Variants in PPIL4 observed in about 807,000 individuals in gnomAD.
PPIL4 encodes peptidyl-prolyl cis-trans isomerase-like 4.
PPIL4 carries 50 observed loss-of-function variants against 69.1 expected under a neutral mutation model. The observed-to-expected ratio is 0.72, with a 90% CI of 0.58 to 0.92. The LOEUF (loss-of-function observed/expected upper bound fraction) is 0.92, where lower values mean the gene tolerates loss of function less well. Among genes scored for constraint, PPIL4 ranks in the 40% least tolerant of loss-of-function variants. The pLI is 0.00. For synonymous variants in PPIL4, 193 were observed against 191.6 expected, an observed-to-expected ratio of 1.01 and a Z score of -0.06; for missense variants, 480 against 587.9, an observed-to-expected ratio of 0.82 and a Z score of 1.90.
At chr6:149,520,048 T>C (rs1777006370) in intron 10 of PPIL4, among the ~76,000 whole-genome samples, 1 of 152,198 alleles carries the variant, frequency 6.6e-6, no homozygotes, top group African/African-American at 2.4e-5. Context: ...AACATACTGC[T>C]ATGGACATGG....
chr6:149,521,833 T>TA lies in PPIL4; in HGVS notation c.871-663dup, dbSNP rs1777035463. 2.6e-5 allele frequency among the ~76,000 whole-genome samples: 4 copies of TA among 152,336 alleles called. No individual in the cohort carries two copies. In the South Asian group the frequency reaches 8.3e-4, roughly 32 times the overall value. Reference sequence around the variant, plus strand: ...TAGATAATGAACTGTGAGACTGTAATACCAAGCTCTGTGCTACACAAGAAT... The same window carrying TA: ...TAGATAATGAACTGTGAGACTGTAATAACCAAGCTCTGTGCTACACAAGAAT... On this transcript the variant is annotated intron_variant, in intron 9 of 12. Transcript: ENST00000253329.
intron 12 of PPIL4, among the ~76,000 whole-genome samples, chr6:149,509,496 T>C (rs925603807): frequency 6.6e-6 from 1 of 151,964 alleles, no homozygotes; most frequent in Non-Finnish European, 1.5e-5. Context: ...GAATTCAGAG[T>C]TTTTAGTGGA....
intron 1 of PPIL4, among the ~76,000 whole-genome samples, chr6:149,545,078 G>C (rs1364548816): frequency 6.6e-6 from 1 of 152,072 alleles, no homozygotes; most frequent in African/African-American, 2.4e-5. Context: ...GACTATTCAC[G>C]ACTGACCTAG....
intron 5 of PPIL4, among the ~76,000 whole-genome samples, chr6:149,535,123 G>T (rs1777255201): frequency 6.6e-6 from 1 of 152,206 alleles, no homozygotes; most frequent in Non-Finnish European, 1.5e-5. Context: ...TCAGGAGGCT[G>T]AGGTGGGTGG....
At chr6:149,539,096 C>G (rs1001460339) in intron 4 of PPIL4, among the ~76,000 whole-genome samples, 3 of 152,196 alleles carry the variant, frequency 2.0e-5, no homozygotes, top group African/African-American at 7.2e-5. Flanking sequence ...ATCCGCCCCC[C>G]TCAGCCTCCC....
intron 8 of PPIL4, among the ~76,000 whole-genome samples, chr6:149,526,450 C>G (rs1562259798): frequency 6.6e-6 from 1 of 151,450 alleles, no homozygotes; most frequent in Admixed American, 6.6e-5. Flanking sequence ...AATTATTTAT[C>G]TGTGTGTGTG....
chr6:149,511,120 T>A (rs1776834874), intron 12 of PPIL4, among the ~76,000 whole-genome samples: 1 of 151,982 alleles, frequency 6.6e-6, no homozygotes, highest in African/African-American at 2.4e-5. Context: ...ATTCTCACCA[T>A]CTTAAATTCC....
intron 7 of PPIL4, among the ~76,000 whole-genome samples, chr6:149,527,887 CAG>C (rs373296907): frequency 1.6e-4 from 24 of 152,050 alleles, no homozygotes; most frequent in African/African-American, 5.8e-4. Context: ...AAATAAAAAA[CAG>C]TAAGAAGCAA....
At position 149,520,432 on chromosome 6, in the gene PPIL4, C is replaced by CA. The variant is rs556499665; in HGVS notation, c.982+627dup. Among the ~76,000 whole-genome samples, 32 of 152,138 alleles carry CA rather than the reference C, an allele frequency of 2.1e-4. No homozygotes were observed. In the East Asian group the frequency reaches 6.2e-3, roughly 29 times the overall value. ...ATTTAAGTTGTGCACCTAAAAGACT[C>CA]AAAACACCATAAAGTCAAAATAATT... is the stretch of plus-strand genomic sequence containing the variant. On this transcript the variant is annotated intron_variant, in intron 10 of 12. Coordinates refer to ENST00000253329, the MANE Select transcript of PPIL4 (RefSeq NM_139126.4).
At chr6:149,522,440 G>A (rs1468364488) in intron 9 of PPIL4, among the ~76,000 whole-genome samples, 1 of 152,128 alleles carries the variant, frequency 6.6e-6, no homozygotes, top group Non-Finnish European at 1.5e-5. Context: ...TGTAACAGTG[G>A]TATATGAATA....
intron 6 of PPIL4, 120 bp from the exon 7 acceptor site, chr6:149,533,694 G>A: frequency 3.4e-6 from 2 of 589,386 alleles, no homozygotes; most frequent in East Asian, 2.9e-5. Context: ...GATCAAGGTT[G>A]CAGTGAGCTA....
intron 11 of PPIL4, among the ~76,000 whole-genome samples, chr6:149,513,608 G>A (rs991199506): frequency 1.9e-4 from 29 of 150,838 alleles, no homozygotes; most frequent in African/African-American, 6.6e-4. Context: ...CTAGAAAGGT[G>A]TTTATGAAAA....
chr6:149,511,001 G>A (rs780116396), intron 12 of PPIL4, among the ~76,000 whole-genome samples: 5 of 152,054 alleles, frequency 3.3e-5, no homozygotes, highest in Non-Finnish European at 7.4e-5. Flanking sequence ...TAAACAACTT[G>A]TCAAGGTCAC....
chr6:149,515,417 T>C (rs555818582), intron 11 of PPIL4, among the ~76,000 whole-genome samples: 2 of 152,320 alleles, frequency 1.3e-5, no homozygotes, highest in South Asian at 4.1e-4. Flanking sequence ...TCTCCCATAT[T>C]AGTGTCACAG....
At chr6:149,534,564 T>C (rs1259539489) in intron 6 of PPIL4, 114 bp downstream of exon 6, 7 of 574,358 alleles carry the variant, frequency 1.2e-5, no homozygotes, top group African/African-American at 1.2e-4. Flanking sequence ...ACTTGTTGAA[T>C]ATAATTAAGC....
chr6:149,535,557 A>C, intron 5 of PPIL4, 39 bp downstream of exon 5: 1 of 1,556,524 alleles, frequency 6.4e-7, no homozygotes, highest in African/African-American at 1.4e-5. Context: ...TCAATATTAA[A>C]ACATTCTAGT....
In PPIL4 at chr6:149,525,198, A is replaced by G; in HGVS notation, c.815T>C (p.Ile272Thr). The G allele has an allele frequency of 6.5e-7, 1 of 1,548,444 alleles. No individual in the cohort carries two copies. Among genetic ancestry groups the G allele is most frequent in the Non-Finnish European group, 8.8e-7 (1 of 1,130,982 alleles). ...GGACTCTCCTGTCTTCCAGTCTCGGATAACTTCACAACTGAAAGAAAGTAT... is the reference window on the plus strand; with the variant it reads ...GGACTCTCCTGTCTTCCAGTCTCGGGTAACTTCACAACTGAAAGAAAGTAT... ...RFGPIRSCEV[I>T]RDWKTGESLC... The change falls in exon 9 of 13, where the codon ATC (isoleucine) becomes ACC (threonine). Residue 272 changes from isoleucine to threonine, a missense_variant. By Grantham distance (89) the Ile-to-Thr change is moderately conservative. Transcript: ENST00000253329.
chr6:149,510,884 C>A (rs1776832151), intron 12 of PPIL4, among the ~76,000 whole-genome samples: 1 of 151,898 alleles, frequency 6.6e-6, no homozygotes, highest in South Asian at 2.1e-4. Flanking sequence ...ACAATAATAA[C>A]CAGTGTAGAA....
intron 1 of PPIL4, among the ~76,000 whole-genome samples, chr6:149,545,155 T>G (rs1010528622): frequency 1.3e-5 from 2 of 152,134 alleles, no homozygotes; most frequent in African/African-American, 4.8e-5. Context: ...CACACCAAAC[T>G]ACTTGCCGTT....
Sources: gnomAD v4.1 joint callset for allele counts (sites outside exome capture counted in the v4.1 genomes callset) on GRCh38, gnomAD v4.1.1 for gene constraint, MANE v1.5 for transcripts, NCBI Gene and HGNC (gene_info 2026-07-23, HGNC 2026-07-21) for gene names.